The following ZNF543 variants were observed in gnomAD, a reference collection of about 807,000 sequenced individuals.
The protein encoded by ZNF543 is zinc finger protein 543.
ZNF543 carries 10 observed loss-of-function variants against 13.4 expected under a neutral mutation model. The observed-to-expected ratio is 0.75, with a 90% CI of 0.46 to 1.26. The LOEUF (loss-of-function observed/expected upper bound fraction) is 1.26. Among genes scored for constraint, ZNF543 ranks in the 50% most tolerant of loss-of-function variants. ZNF543 has a pLI of 0.00. For synonymous variants in ZNF543, 272 were observed against 264.7 expected, an observed-to-expected ratio of 1.03 and a Z score of -0.27; for missense variants, 768 against 741.2, an observed-to-expected ratio of 1.04 and a Z score of -0.42.
rs151318724 is a variant in ZNF543, at chr19:57,321,723, G to C, written c.18+852G>C. On this transcript the variant is annotated intron_variant, in intron 1 of 3. Transcript: ENST00000321545. ...CTTAAGTATCAGAAACTAACAACTG[G>C]TGTGTCTACCATCACAGCCTGTGTT... 2.2e-3 allele frequency among the ~76,000 whole-genome samples: 340 copies of C among 152,212 alleles called. 1 individual carries two copies. The highest frequency in any genetic ancestry group is 7.8e-3 in the African/African-American group (326 of 41,534).
rs2088084772 is a variant in ZNF543, at chr19:57,320,741, T to A, written c.-113T>A. The A allele has an allele frequency of 7.4e-7, 1 of 1,349,460 alleles. No homozygotes were observed. Among genetic ancestry groups the A allele is most frequent in the South Asian group, 1.3e-5 (1 of 77,110 alleles). The allele number at this position is 1,349,460 out of a possible 1,614,324, so 83.6% of individuals were successfully genotyped here. On this transcript the variant is annotated 5_prime_UTR_variant, in exon 1 of 4. Coordinates refer to ENST00000321545, the MANE Select transcript of ZNF543 (RefSeq NM_213598.4). ...TGTGCGCATTTTTCTCTGGGGAAAC[T>A]GAGGCTCCGAGTGCGAAAGTCAGCC...
At position 57,329,566 on chromosome 19, in the gene ZNF543, G is replaced by A. The variant is rs1273942749; in HGVS notation, c.*301G>A. 3.2e-5 allele frequency: 7 copies of A among 220,992 alleles called. No homozygotes were observed. The highest frequency in any genetic ancestry group is 5.4e-5 in the Non-Finnish European group (6 of 111,770). The allele number at this position is 220,992 out of a possible 1,614,324, so 13.7% of individuals were successfully genotyped here. ...CTCGCTCTGTCGCCCAGGCTGGAGT[G>A]CAGTGGCGGGATCTCGGCTCACTGC... is the stretch of plus-strand genomic sequence containing the variant. On this transcript the variant is annotated 3_prime_UTR_variant, in exon 4 of 4. Coordinates refer to ENST00000321545, the MANE Select transcript of ZNF543 (RefSeq NM_213598.4).
intron 1 of ZNF543, 108 bp downstream of exon 1, chr19:57,320,979 A>G: frequency 6.7e-7 from 1 of 1,483,498 alleles, no homozygotes; most frequent in Non-Finnish European, 9.2e-7. Flanking sequence ...GCCGTCGTTT[A>G]TTTAAGAGAA....
In ZNF543 at chr19:57,328,616, A is replaced by G. The variant is rs747967146; in HGVS notation, c.1154A>G (p.His385Arg). The change falls in exon 4 of 4, where the codon CAC becomes CGC. Residue 385 changes from histidine to arginine, a missense_variant. Around this residue, in one of 3 missense-constraint regions of ZNF543, gnomAD observed 677 missense variants for 631.4 expected, o/e 1.07. Coordinates refer to ENST00000321545, the MANE Select transcript of ZNF543 (RefSeq NM_213598.4). The part of the protein sequence containing the change: ...AFCESADLIQ[H>R]YIIHTGEKPY... ...TGCGAGAGTGCAGACCTCATTCAAC[A>G]CTACATTATCCACACTGGGGAGAAG... 1.2e-6 allele frequency: 2 copies of G among 1,613,100 alleles called. No homozygotes were observed. The highest frequency in any genetic ancestry group is 1.1e-5 in the South Asian group (1 of 91,006).
At chr19:57,326,549 C>A in intron 2 of ZNF543, 84 bp from the exon 3 acceptor site, 1 of 1,013,624 alleles carries the variant, frequency 9.9e-7, no homozygotes, top group Non-Finnish European at 1.5e-6. Flanking sequence ...CATGGTCTTC[C>A]CCATCCTGCA....
At position 57,328,950 on chromosome 19, in the gene ZNF543, G is replaced by T. The variant is rs1440120917; in HGVS notation, c.1488G>T (p.Arg496Ser). ...KAFNRSSHLT[R>S]HQQIHTGEKP... ...TCAACCGCAGCTCACACCTCACGAG[G>T]CACCAACAGATTCACACTGGAGAGA... Residue 496 changes from arginine (R) to serine (S), a missense_variant, in exon 4 of 4, where the codon AGG (arginine) becomes AGT (serine). Physicochemically the swap from Arg to Ser is moderately radical, Grantham distance 110. Coordinates refer to ENST00000321545, the MANE Select transcript of ZNF543 (RefSeq NM_213598.4). 1 of 1,614,052 alleles carries T rather than the reference G, an allele frequency of 6.2e-7. No homozygotes were observed. Among genetic ancestry groups the T allele is most frequent in the Non-Finnish European group, 8.5e-7 (1 of 1,180,002 alleles).
intron 1 of ZNF543, among the ~76,000 whole-genome samples, chr19:57,323,375 G>A (rs1282273689): frequency 2.0e-5 from 3 of 151,904 alleles, no homozygotes; most frequent in African/African-American, 7.3e-5. Context: ...TGTATTTTTA[G>A]CAGAGACGGG....
At position 57,328,258 on chromosome 19, in the gene ZNF543, C is replaced by G; in HGVS notation, c.796C>G (p.Arg266Gly). 6.2e-7 allele frequency: 1 copy of G among 1,613,700 alleles called. No individual in the cohort carries two copies. Residue 266 changes from arginine to glycine, a missense_variant, in exon 4 of 4, where the codon CGC becomes GGC. Physicochemically the swap from Arg to Gly is moderately radical, Grantham distance 125 (BLOSUM62 -2). Coordinates refer to ENST00000321545, the MANE Select transcript of ZNF543 (RefSeq NM_213598.4). ...KCMECGKAFN[R>G]RSHLTRHQRI... ...CATGGAGTGTGGGAAGGCTTTTAAC[C>G]GCAGGTCACACCTCACACGGCACCA...
chr19:57,329,194 TC>T lies in ZNF543; in HGVS notation c.1733del (p.Ser578Ter). 1 of 1,613,874 alleles carries T rather than the reference TC, an allele frequency of 6.2e-7. No individual in the cohort carries two copies. The highest frequency in any genetic ancestry group is 8.5e-7 in the Non-Finnish European group (1 of 1,179,874). ...AAGACCTTTTATGACTGCACAGACT[TC>T]AGTCAACATCCAGGAACTTTTATTA... Reference protein sequence around the residue: ...VGRPFMTAQTSVNIQELLLGK... With the variant: ...VGRPFMTAQTXVNIQELLLGK... On this transcript the variant is annotated frameshift_variant, in exon 4 of 4. Transcript: ENST00000321545. LOFTEE classifies it low-confidence loss of function (END_TRUNC).
intron 1 of ZNF543, among the ~76,000 whole-genome samples, chr19:57,321,168 C>T (rs969312204): frequency 2.6e-5 from 4 of 152,206 alleles, no homozygotes; most frequent in Non-Finnish European, 4.4e-5. Flanking sequence ...TGGCCAACCA[C>T]CCCTGACCTT....
rs780270764 is a variant in ZNF543 at position 57,327,696 on chromosome 19, C to T, written c.242-8C>T. 3.3e-5 allele frequency: 52 copies of T among 1,587,666 alleles called. No individual in the cohort carries two copies. Among genetic ancestry groups the T allele is most frequent in the Non-Finnish European group, 4.2e-5 (49 of 1,171,818 alleles). On this transcript the variant is annotated splice_region_variant and splice_polypyrimidine_tract_variant and intron_variant, in intron 3 of 3. Transcript: ENST00000321545. ...AATAAGCCTTTTTGTGTATTGTGTT[C>T]GTTCCAGGTGACAACACAAAACCCA...
At chr19:57,323,215 C>CG (rs1178182987) in intron 1 of ZNF543, among the ~76,000 whole-genome samples, 2 of 142,864 alleles carry the variant, frequency 1.4e-5, no homozygotes, top group South Asian at 2.2e-4. Context: ...TTTTTTGAGA[C>CG]GAGTCTCGCT....
chr19:57,325,616 G>A lies in ZNF543; in HGVS notation c.146-1017G>A, dbSNP rs534982085. On this transcript the variant is annotated intron_variant, in intron 2 of 3. Transcript: ENST00000321545. Reference sequence around the variant, plus strand: ...AACCCACACTGGAGTGCAGTGGTACGATCTCAGCTCACTGCAGCCTCACCT... The same window carrying A: ...AACCCACACTGGAGTGCAGTGGTACAATCTCAGCTCACTGCAGCCTCACCT... Among the ~76,000 whole-genome samples, 46 of 152,164 alleles carry A rather than the reference G, an allele frequency of 3.0e-4. No individual in the cohort carries two copies. In the South Asian group the frequency reaches 8.1e-3, roughly 27 times the overall value.
At chr19:57,323,836 C>G (rs2088104837) in intron 2 of ZNF543, 28 bp downstream of exon 2, 1 of 1,604,190 alleles carries the variant, frequency 6.2e-7, no homozygotes, top group East Asian at 2.3e-5. Context: ...CCTGTGCTCC[C>G]TTAGGATTGA....
At chr19:57,325,073 G>C (rs2088113160) in intron 2 of ZNF543, among the ~76,000 whole-genome samples, 1 of 152,162 alleles carries the variant, frequency 6.6e-6, no homozygotes, top group Non-Finnish European at 1.5e-5. Context: ...AGCCACAGCA[G>C]CAAAGTCTCT....
chr19:57,323,225 T>A (rs2088099850), intron 1 of ZNF543, among the ~76,000 whole-genome samples: 2 of 149,728 alleles, frequency 1.3e-5, no homozygotes, highest in Admixed American at 6.7e-5. Context: ...CGAGTCTCGC[T>A]CTGTCACCCA....
chr19:57,323,684 GT>G lies in ZNF543; in HGVS notation c.22del (p.Ser8LeufsTer2), dbSNP rs771997688. The G allele has an allele frequency of 6.2e-7, 1 of 1,612,788 alleles. No individual in the cohort carries two copies. The highest frequency in any genetic ancestry group is 1.1e-5 in the South Asian group (1 of 91,064). On this transcript the variant is annotated frameshift_variant, in exon 2 of 4. Coordinates refer to ENST00000321545, the MANE Select transcript of ZNF543 (RefSeq NM_213598.4). LOFTEE classifies it high-confidence loss of function. MAASAQV[S>X]VTFEDVAVTF... ...ACTATCTCTGTTTAATTTTCCAGGTGTCTGTGACCTTTGAGGATGTGGCTGT... is the reference window on the plus strand; with the variant it reads ...ACTATCTCTGTTTAATTTTCCAGGTGCTGTGACCTTTGAGGATGTGGCTGT...
At position 57,329,007 on chromosome 19, in the gene ZNF543, C is replaced by T. The variant is rs1408666447; in HGVS notation, c.1545C>T (p.Ala515=). The change falls in exon 4 of 4, where the codon GCC becomes GCT. Residue 515 remains alanine (A), a synonymous_variant. Coordinates refer to ENST00000321545, the MANE Select transcript of ZNF543 (RefSeq NM_213598.4). ...ATGAATGCATCCAGTGTGGGAAAGC[C>T]TTTTGCCGGAGCGCAAACCTTATTC... is the stretch of plus-strand genomic sequence containing the variant. ...KPYECIQCGK[A]FCRSANLIRH... 3.7e-6 allele frequency: 6 copies of T among 1,614,112 alleles called. No individual in the cohort carries two copies. The highest frequency in any genetic ancestry group is 5.1e-6 in the Non-Finnish European group (6 of 1,180,014).
chr19:57,321,342 A>C (rs2088088922), intron 1 of ZNF543, among the ~76,000 whole-genome samples: 1 of 152,186 alleles, frequency 6.6e-6, no homozygotes, highest in Non-Finnish European at 1.5e-5. Flanking sequence ...CTCTGTCCAG[A>C]TGTCACCTAT....
Sources: allele counts gnomAD v4.1 joint callset (sites outside exome capture counted in the v4.1 genomes callset), GRCh38; gene constraint gnomAD v4.1.1; regional missense constraint gnomAD v4.1.1; transcripts MANE v1.5; gene names NCBI Gene and HGNC (gene_info 2026-07-23, HGNC 2026-07-21).